The following FAM241A variants were observed in gnomAD, a reference collection of about 807,000 sequenced individuals.
FAM241A encodes the protein family with sequence similarity 241 member A.
A neutral mutation model predicts 12.2 loss-of-function variants in FAM241A; 7 were observed. That is an observed-to-expected ratio of 0.58 (90% CI 0.33 to 1.08). The LOEUF is 1.08. FAM241A is among the 50% of genes least tolerant of loss of function. FAM241A has a pLI of 0.04. For missense variants in FAM241A, 161 were observed against 169.7 expected (o/e 0.95, Z 0.29); for synonymous variants, 74 against 68.2 (o/e 1.08, Z -0.42).
intron 1 of FAM241A, among the ~76,000 whole-genome samples, chr4:112,170,847 G>A (rs1723703293): frequency 6.7e-6 from 1 of 148,434 alleles, no homozygotes. Context: ...GGCCAAATGT[G>A]ATACATTTTC....
chr4:112,148,605 G>T (rs114897582), intron 1 of FAM241A, among the ~76,000 whole-genome samples: 5 of 152,172 alleles, frequency 3.3e-5, no homozygotes, highest in Non-Finnish European at 7.3e-5. Context: ...ACTGTGCCAG[G>T]TTTGAAATAG....
At chr4:112,161,537 C>T (rs985759988) in intron 1 of FAM241A, among the ~76,000 whole-genome samples, 36 of 152,200 alleles carry the variant, frequency 2.4e-4, no homozygotes, top group East Asian at 5.8e-4. Flanking sequence ...AACACCACTA[C>T]GCAAGTAAAC....
chr4:112,146,699 T>C (rs1723144912), intron 1 of FAM241A, among the ~76,000 whole-genome samples: 1 of 152,242 alleles, frequency 6.6e-6, no homozygotes, highest in Non-Finnish European at 1.5e-5. Flanking sequence ...TCTGTCACGT[T>C]TCACAAATTC....
intron 1 of FAM241A, among the ~76,000 whole-genome samples, chr4:112,184,866 C>A (rs1376751746): frequency 6.6e-6 from 1 of 152,084 alleles, no homozygotes; most frequent in East Asian, 1.9e-4. Context: ...ATTTACTGAT[C>A]GATGACTGAA....
chr4:112,158,766 G>A (rs1375400173), intron 1 of FAM241A, among the ~76,000 whole-genome samples: 1 of 152,046 alleles, frequency 6.6e-6, no homozygotes, highest in South Asian at 2.1e-4. Flanking sequence ...TTTGATACAT[G>A]CATTGTATAA....
intron 1 of FAM241A, among the ~76,000 whole-genome samples, chr4:112,175,505 C>T (rs1415508899): frequency 6.6e-6 from 1 of 152,150 alleles, no homozygotes; most frequent in East Asian, 1.9e-4. Flanking sequence ...TGGTGGCTCA[C>T]ACCGGTACTC....
At chr4:112,166,279 A>G in intron 1 of FAM241A, among the ~76,000 whole-genome samples, 1 of 151,180 alleles carries the variant, frequency 6.6e-6, no homozygotes, top group Non-Finnish European at 1.5e-5. Flanking sequence ...TATGGTCTGT[A>G]TCTCCTGGTC....
At position 112,192,454 on chromosome 4, in the gene FAM241A, T is replaced by C. The variant is rs984467578; in HGVS notation, c.*5516T>C. On this transcript the variant is annotated 3_prime_UTR_variant, in exon 2 of 2. Transcript: ENST00000309733. ...CTAGTGTGCTGCACCCATTAACTCG[T>C]CATTTAGCATTAGGTATATCTCCTA... The C allele has an allele frequency of 1.3e-5, 2 of 151,328 alleles. No individual in the cohort carries two copies. Among genetic ancestry groups the C allele is most frequent in the African/African-American group, 2.4e-5 (1 of 41,138 alleles). 9.4% of individuals were successfully genotyped at this position (151,328 alleles called of 1,614,324 possible).
Position 112,195,023 on chromosome 4 carries a change from C to T in FAM241A, c.*8085C>T, listed in dbSNP as rs4834240. 51,128 of 152,042 alleles carry T rather than the reference C, an allele frequency of 0.34. 8,701 individuals carry two copies. Among genetic ancestry groups the T allele is most frequent in the East Asian group, 0.53 (2,740 of 5,164 alleles). 9.4% of individuals were successfully genotyped at this position (152,042 alleles called of 1,614,324 possible). On this transcript the variant is annotated 3_prime_UTR_variant, in exon 2 of 2. Transcript: ENST00000309733. ...GCTTGACCTCATGATCCGCCCGCCT[C>T]GGCCTCCCAAAGTGCTGGGATTACA...
At position 112,186,819 on chromosome 4, in the gene FAM241A, G is replaced by A. The variant is rs1204739606; in HGVS notation, c.280G>A (p.Glu94Lys). The A allele has an allele frequency of 1.2e-6, 2 of 1,613,908 alleles. No individual in the cohort carries two copies. Among genetic ancestry groups the A allele is most frequent in the Non-Finnish European group, 1.7e-6 (2 of 1,179,962 alleles). ...NMGFTRMYFG[E>K]RIVEPVIVIF... ...GGGCTTCACAAGGATGTATTTTGGA[G>A]AACGAATAGTGGAACCAGTAATAGT... The change falls in exon 2 of 2, where the codon GAA (glutamate) becomes AAA (lysine). Residue 94 changes from glutamate (E) to lysine (K), a missense_variant. Coordinates refer to ENST00000309733, the MANE Select transcript of FAM241A (RefSeq NM_152400.3).
Position 112,187,450 on chromosome 4 carries a change from G to A in FAM241A, c.*512G>A, listed in dbSNP as rs1724069883. The A allele has an allele frequency of 6.5e-6, 1 of 152,680 alleles. No individual in the cohort carries two copies. The highest frequency in any genetic ancestry group is 1.5e-5 in the Non-Finnish European group (1 of 68,226). The allele number at this position is 152,680 out of a possible 1,614,324, so 9.5% of individuals were successfully genotyped here. A position where few individuals can be genotyped will look rare whatever the true frequency, so the allele number is the denominator to read the frequency against. On this transcript the variant is annotated 3_prime_UTR_variant, in exon 2 of 2. Transcript: ENST00000309733. ...TTGTCCCTACCCAGCCTAAACTAAG[G>A]TAAATGATAATTAGCATACACTACC...
At chr4:112,176,629 T>G (rs1386596858) in intron 1 of FAM241A, among the ~76,000 whole-genome samples, 1 of 152,158 alleles carries the variant, frequency 6.6e-6, no homozygotes, top group African/African-American at 2.4e-5. Context: ...ATCCAGTGAT[T>G]ACTTAAGGGT....
Position 112,145,619 on chromosome 4 carries a change from C to CG in FAM241A, c.43dup (p.Glu15GlyfsTer40). 8.1e-7 allele frequency: 1 copy of CG among 1,230,800 alleles called. No homozygotes were observed. Among genetic ancestry groups the CG allele is most frequent in the Non-Finnish European group, 1.0e-6 (1 of 985,998 alleles). 76.2% of individuals were successfully genotyped at this position (1,230,800 alleles called of 1,614,324 possible). The stretch of plus-strand genomic sequence containing the variant: ...GGGAGCTGCTGCGGGGCGGCGACGG[C>CG]GGGGAACGCGACGAGGACGGGGACG... On this transcript the variant is annotated frameshift_variant, in exon 1 of 2. Transcript: ENST00000309733. LOFTEE classifies it high-confidence loss of function.
chr4:112,149,956 A>T (rs892696889), intron 1 of FAM241A, among the ~76,000 whole-genome samples: 8 of 152,070 alleles, frequency 5.3e-5, no homozygotes, highest in African/African-American at 1.9e-4. Context: ...TATTAAAGGA[A>T]TTTTTTTGGT....
In FAM241A at chr4:112,186,673, C is replaced by CT. The variant is rs371585740; in HGVS notation, c.154-5dup. ...TTCTCATGTTATGTTCATGTTTTGT[C>CT]TTTTTTTTTTTTTTTAAAGGATGTT... On this transcript the variant is annotated intron_variant, in intron 1 of 1. Coordinates refer to ENST00000309733, the MANE Select transcript of FAM241A (RefSeq NM_152400.3). 46,624 of 1,381,160 alleles carry CT rather than the reference C, an allele frequency of 0.034. 3 individuals are homozygous for CT. Among genetic ancestry groups the CT allele is most frequent in the South Asian group, 0.04 (3,114 of 76,960 alleles). 85.6% of individuals were successfully genotyped at this position (1,381,160 alleles called of 1,614,324 possible). A position where few individuals can be genotyped will look rare whatever the true frequency, so the allele number is the denominator to read the frequency against.
In FAM241A at chr4:112,193,412, A is replaced by G. The variant is rs1026149019; in HGVS notation, c.*6474A>G. The G allele has an allele frequency of 2.2e-4, 33 of 152,238 alleles. No homozygotes were observed. Among genetic ancestry groups the G allele is most frequent in the African/African-American group, 7.7e-4 (32 of 41,522 alleles). The allele number at this position is 152,238 out of a possible 1,614,324, so 9.4% of individuals were successfully genotyped here. On this transcript the variant is annotated 3_prime_UTR_variant, in exon 2 of 2. Transcript: ENST00000309733. ...ATTGCTTTTGGTGTTTTAGACATGA[A>G]GTCCTTGCCCATGCCTATGTCCTGA... is the stretch of plus-strand genomic sequence containing the variant.
At chr4:112,148,755 A>G (rs1723188726) in intron 1 of FAM241A, among the ~76,000 whole-genome samples, 1 of 152,198 alleles carries the variant, frequency 6.6e-6, no homozygotes, top group African/African-American at 2.4e-5. Context: ...TATGTTCATG[A>G]GGGTGAATGC....
chr4:112,148,549 A>C (rs150237453), intron 1 of FAM241A, among the ~76,000 whole-genome samples: 35 of 152,264 alleles, frequency 2.3e-4, no homozygotes, highest in African/African-American at 8.4e-4. Flanking sequence ...AAGTCACTTA[A>C]GAAAGGAGGC....
chr4:112,150,867 G>A (rs185264916), intron 1 of FAM241A, among the ~76,000 whole-genome samples: 12 of 152,318 alleles, frequency 7.9e-5, no homozygotes, highest in Admixed American at 3.9e-4. Context: ...TAATATATGA[G>A]ATGTACTTAG....
Sources: allele counts gnomAD v4.1 joint callset (sites outside exome capture counted in the v4.1 genomes callset), GRCh38; gene constraint gnomAD v4.1.1; transcripts MANE v1.5; gene names NCBI Gene and HGNC (gene_info 2026-07-23, HGNC 2026-07-21).